Variants in NTRK3 observed in about 807,000 individuals in gnomAD.
NTRK3 encodes NT-3 growth factor receptor.
Under a neutral mutation model 91.7 loss-of-function variants are expected in NTRK3, and 24 were observed. That is an observed-to-expected ratio of 0.26 (90% confidence interval 0.19 to 0.37). The LOEUF is 0.37. NTRK3 is among the 10% of genes least tolerant of loss of function. The probability of loss-of-function intolerance (pLI) is 1.00; values close to 1 mark genes in which losing one functional copy is unlikely to be tolerated. For missense variants in NTRK3, 880 were observed against 1,068.9 expected (o/e 0.82, Z 2.46); for synonymous variants, 483 against 404.0 (o/e 1.20, Z -2.34).
intron 13 of NTRK3, among the ~76,000 whole-genome samples, chr15:88,089,845 C>T (rs1397398772): frequency 1.3e-5 from 2 of 152,198 alleles, no homozygotes; most frequent in Non-Finnish European, 1.5e-5. Context: ...GCGTTACACC[C>T]TCCACAGTCT....
At chr15:88,101,201 G>A (rs552172861) in intron 13 of NTRK3, among the ~76,000 whole-genome samples, 71 of 152,256 alleles carry the variant, frequency 4.7e-4, no homozygotes, top group African/African-American at 1.6e-3. Flanking sequence ...CAAAAAGTGG[G>A]CGAAGGATAT....
intron 6 of NTRK3, among the ~76,000 whole-genome samples, chr15:88,145,980 C>A (rs2042856453): frequency 6.6e-6 from 1 of 152,200 alleles, no homozygotes; most frequent in Non-Finnish European, 1.5e-5. Context: ...TGACCTTAAA[C>A]AGTATACTTA....
intron 14 of NTRK3, among the ~76,000 whole-genome samples, chr15:87,948,856 CT>C: frequency 6.6e-6 from 1 of 152,300 alleles, no homozygotes; most frequent in East Asian, 1.9e-4. Context: ...CTGGATCTTT[CT>C]GCTGGCCAGT....
Position 88,135,890 on chromosome 15 carries a change from T to C in NTRK3, c.907+9A>G, listed in dbSNP as rs777689594. On this transcript the variant is annotated intron_variant, in intron 9 of 18. Coordinates refer to ENST00000394480, the Ensembl canonical transcript of NTRK3. ...CACACAGCCATCCCCCACAATAACATGCACTTACAGTAGACAGTGAGGGCA... is the reference window on the plus strand; with the variant it reads ...CACACAGCCATCCCCCACAATAACACGCACTTACAGTAGACAGTGAGGGCA... 1.9e-6 allele frequency: 3 copies of C among 1,614,046 alleles called. No individual in the cohort carries two copies. Among genetic ancestry groups the C allele is most frequent in the Admixed American group, 1.7e-5 (1 of 60,004 alleles).
chr15:87,932,690 A>G lies in NTRK3; in HGVS notation c.1889+322T>C, dbSNP rs193042428. On this transcript the variant is annotated intron_variant, in intron 16 of 18. Transcript: ENST00000394480. ...TGCAACATCAGAGAAGGGTGGCCCT[A>G]GAATCTTGGAGTTGTAAGCCACAGG... 5.3e-3 allele frequency among the ~76,000 whole-genome samples: 802 copies of G among 152,316 alleles called. 6 individuals carry two copies. Among genetic ancestry groups the G allele is most frequent in the African/African-American group, 0.019 (774 of 41,576 alleles).
intron 13 of NTRK3, among the ~76,000 whole-genome samples, chr15:88,119,048 A>T (rs938517617): frequency 6.6e-6 from 1 of 152,222 alleles, no homozygotes; most frequent in African/African-American, 2.4e-5. Flanking sequence ...TTTCAAGGGA[A>T]TTCCCTTTGA....
intron 3 of NTRK3, among the ~76,000 whole-genome samples, chr15:88,227,039 T>C (rs2050734699): frequency 6.6e-6 from 1 of 152,220 alleles, no homozygotes; most frequent in Admixed American, 6.5e-5. Context: ...TTCTTTTATT[T>C]ATCCAAAACC....
At chr15:87,906,717 TTGCTTTGAC>T (rs749072274) in intron 17 of NTRK3, among the ~76,000 whole-genome samples, 1 of 152,136 alleles carries the variant, frequency 6.6e-6, no homozygotes, top group Non-Finnish European at 1.5e-5. Context: ...AGCAATGCGA[TTGCTTTGAC>T]GTCCCTACCT....
At chr15:88,252,166 T>C (rs2053460754) in intron 3 of NTRK3, among the ~76,000 whole-genome samples, 6 of 152,124 alleles carry the variant, frequency 3.9e-5, no homozygotes, top group Admixed American at 3.9e-4. Flanking sequence ...TGCCCACCTC[T>C]CTCAGACCTA....
At chr15:88,138,991 C>T (rs137930460) in intron 6 of NTRK3, among the ~76,000 whole-genome samples, 7 of 152,282 alleles carry the variant, frequency 4.6e-5, no homozygotes, top group African/African-American at 1.7e-4. Flanking sequence ...ATGCTCAAAG[C>T]CCATCCTGGG....
At chr15:88,223,060 G>A (rs1051693919) in intron 3 of NTRK3, among the ~76,000 whole-genome samples, 2 of 152,168 alleles carry the variant, frequency 1.3e-5, no homozygotes, top group African/African-American at 4.8e-5. Flanking sequence ...TGGGCGGCAG[G>A]GGAGAAAAGG....
intron 7 of NTRK3, among the ~76,000 whole-genome samples, chr15:88,137,023 C>A (rs554253977): frequency 2.0e-5 from 3 of 152,274 alleles, no homozygotes; most frequent in African/African-American, 7.2e-5. Flanking sequence ...TGTGTTTGGG[C>A]CCAGAAATCT....
chr15:88,024,848 G>A (rs1490937338), intron 14 of NTRK3, among the ~76,000 whole-genome samples: 2 of 152,240 alleles, frequency 1.3e-5, no homozygotes, highest in Admixed American at 6.5e-5. Flanking sequence ...TGCTGTGAAG[G>A]CATGGACACA....
intron 13 of NTRK3, among the ~76,000 whole-genome samples, chr15:88,053,688 T>G (rs571951693): frequency 2.0e-5 from 3 of 152,338 alleles, no homozygotes; most frequent in African/African-American, 7.2e-5. Flanking sequence ...TTGACAAAGA[T>G]TCTAAGGTTG....
intron 13 of NTRK3, among the ~76,000 whole-genome samples, chr15:88,043,419 T>C (rs904420792): frequency 1.3e-5 from 2 of 152,190 alleles, no homozygotes; most frequent in Non-Finnish European, 2.9e-5. Context: ...AATAGAGACA[T>C]TTATTTTCCC....
chr15:87,871,159 C>G (rs2064819355), exon 19 of NTRK3: 1 of 231,208 alleles, frequency 4.3e-6, no homozygotes, highest in Non-Finnish European at 8.6e-6. Context: ...CCAACCTCCA[C>G]AGGTCTCACA....
chr15:88,137,429 G>A, exon 7 of NTRK3: 1 of 1,614,088 alleles, frequency 6.2e-7, no homozygotes, highest in Non-Finnish European at 8.5e-7. Flanking sequence ...TCATGCGGAA[G>A]AGAGGAAGCT....
intron 13 of NTRK3, 68 bp from the exon 14 acceptor site, chr15:88,033,113 A>AGAC: frequency 1.4e-6 from 2 of 1,464,686 alleles, no homozygotes; most frequent in Non-Finnish European, 1.8e-6. Flanking sequence ...CCCTGTCCAC[A>AGAC]GACAACCCCC....
intron 3 of NTRK3, among the ~76,000 whole-genome samples, chr15:88,249,741 G>A (rs1226545469): frequency 5.3e-5 from 8 of 152,080 alleles, no homozygotes; most frequent in Non-Finnish European, 7.4e-5. Flanking sequence ...ACCCATCAAC[G>A]AGCAGCTTCC....
Sources: allele counts gnomAD v4.1 joint callset (sites outside exome capture counted in the v4.1 genomes callset), GRCh38; gene constraint gnomAD v4.1.1; transcripts MANE v1.5; gene names NCBI Gene and HGNC (gene_info 2026-07-23, HGNC 2026-07-21).